UBA2: variants seen among roughly 807,000 people sequenced by gnomAD.
The protein encoded by UBA2 is ubiquitin like modifier activating enzyme 2, also known as SUMO-activating enzyme subunit 2.
Under a neutral mutation model 77.2 loss-of-function variants are expected in UBA2, and 11 were observed. The ratio of observed to expected loss-of-function variants is 0.14; its 90% confidence interval spans 0.09 to 0.24. The LOEUF is 0.24. Among genes scored for constraint, UBA2 ranks in the 10% least tolerant of loss-of-function variants. UBA2 has a pLI of 1.00. For synonymous variants in UBA2, 278 were observed against 276.7 expected (o/e 1.00, Z -0.05); for missense variants, 487 against 781.7 (o/e 0.62, Z 4.50).
chr19:34,466,757 A>G (rs2075692531), intron 15 of UBA2, 121 bp from the exon 16 acceptor site: 5 of 721,082 alleles, frequency 6.9e-6, no homozygotes, highest in Non-Finnish European at 1.0e-5. Context: ...AATTAAAAAA[A>G]AAATTAGAAT....
chr19:34,443,441 C>CT (rs35696396), intron 6 of UBA2, among the ~76,000 whole-genome samples: 8,912 of 132,166 alleles, frequency 0.067, 487 homozygotes, highest in Admixed American at 0.14. Flanking sequence ...CCGTTATTCA[C>CT]TTTTTTTTTT....
At chr19:34,438,877 A>AG in intron 6 of UBA2, 111 bp downstream of exon 6, 1 of 1,398,274 alleles carries the variant, frequency 7.2e-7, no homozygotes, top group Non-Finnish European at 9.8e-7. Context: ...AATATGGTGA[A>AG]GGGATGCTTT....
Position 34,428,582 on chromosome 19 carries a change from G to A in UBA2, c.138+12G>A, listed in dbSNP as rs775752073. 1 of 1,306,024 alleles carries A rather than the reference G, an allele frequency of 7.7e-7. No individual in the cohort carries two copies. The allele number at this position is 1,306,024 out of a possible 1,614,324, so 80.9% of individuals were successfully genotyped here. On this transcript the variant is annotated intron_variant, in intron 1 of 16. Transcript: ENST00000246548. ...CCCACATCGACCTGGTGAGGGCCGG[G>A]CGCGCGCGCGTGAATGGCGGGCTGT...
At chr19:34,434,788 G>A in intron 4 of UBA2, 80 bp from the exon 5 acceptor site, 1 of 1,070,296 alleles carries the variant, frequency 9.3e-7, no homozygotes, top group Non-Finnish European at 1.4e-6. Context: ...CAGTAAGATA[G>A]TTTTGAGTCT....
chr19:34,442,386 A>T (rs558850821), intron 6 of UBA2, among the ~76,000 whole-genome samples: 1 of 152,370 alleles, frequency 6.6e-6, no homozygotes, highest in East Asian at 1.9e-4. Flanking sequence ...TGCTTCTCAG[A>T]TACTTCCCGA....
intron 5 of UBA2, among the ~76,000 whole-genome samples, 197 bp from the exon 6 acceptor site, chr19:34,438,448 A>C (rs1041288304): frequency 2.0e-5 from 3 of 152,232 alleles, no homozygotes; most frequent in Non-Finnish European, 4.4e-5. Flanking sequence ...GCACAGCCTT[A>C]GCTATGACTG....
intron 16 of UBA2, among the ~76,000 whole-genome samples, chr19:34,467,988 G>T (rs752912878): frequency 2.6e-4 from 39 of 152,198 alleles, no homozygotes; most frequent in Non-Finnish European, 5.0e-4. Flanking sequence ...TGCTTGTTAA[G>T]TATGGAATTT....
intron 9 of UBA2, 90 bp from the exon 10 acceptor site, chr19:34,451,891 A>C (rs890783352): frequency 6.1e-6 from 4 of 657,822 alleles, no homozygotes; most frequent in Non-Finnish European, 6.9e-6. Context: ...TTGATTTCTT[A>C]ATGGTCGGGG....
chr19:34,441,367 A>G (rs1004982303), intron 6 of UBA2, among the ~76,000 whole-genome samples: 48 of 152,024 alleles, frequency 3.2e-4, no homozygotes, highest in Non-Finnish European at 5.6e-4. Context: ...AGGCAGGAGA[A>G]TGGCGTGAAC....
At chr19:34,442,071 C>T (rs2075376209) in intron 6 of UBA2, among the ~76,000 whole-genome samples, 1 of 151,866 alleles carries the variant, frequency 6.6e-6, no homozygotes, top group Non-Finnish European at 1.5e-5. Context: ...CCCATCACTA[C>T]AAAAAATTTA....
intron 13 of UBA2, 122 bp from the exon 14 acceptor site, chr19:34,460,348 G>A: frequency 1.5e-6 from 1 of 686,704 alleles, no homozygotes; most frequent in Non-Finnish European, 2.5e-6. Flanking sequence ...ATCTTGAAGA[G>A]TGACTTCGCC....
At chr19:34,444,044 GTTTTTTTTTT>G (rs35028159) in intron 7 of UBA2, 133 bp downstream of exon 7, 44 of 175,812 alleles carry the variant, frequency 2.5e-4, no homozygotes, top group African/African-American at 1.2e-3. Context: ...TTTTTTTTTT[GTTTTTTTTTT>G]TTTTTTTTTT....
At chr19:34,436,419 T>C (rs935562607) in intron 5 of UBA2, among the ~76,000 whole-genome samples, 12 of 152,026 alleles carry the variant, frequency 7.9e-5, no homozygotes, top group African/African-American at 2.7e-4. Context: ...CCTGCCTCAG[T>C]CTCCCGAGTA....
intron 14 of UBA2, among the ~76,000 whole-genome samples, chr19:34,463,037 C>T (rs1334760724): frequency 6.6e-6 from 1 of 151,112 alleles, no homozygotes; most frequent in East Asian, 1.9e-4. Context: ...GTGGAGGTTG[C>T]AGTGAGCCAA....
At chr19:34,460,391 C>T (rs1196796078) in intron 13 of UBA2, 79 bp from the exon 14 acceptor site, 1 of 931,636 alleles carries the variant, frequency 1.1e-6, no homozygotes, top group Non-Finnish European at 1.6e-6. Context: ...AAAGTAAGAG[C>T]CTTTATAGAA....
chr19:34,452,822 A>G (rs1306346154), intron 10 of UBA2, among the ~76,000 whole-genome samples: 1 of 152,216 alleles, frequency 6.6e-6, no homozygotes, highest in South Asian at 2.1e-4. Flanking sequence ...ATTTGTGTGT[A>G]CATATTTTGA....
intron 14 of UBA2, among the ~76,000 whole-genome samples, chr19:34,463,072 G>A (rs1275374975): frequency 6.6e-6 from 1 of 151,584 alleles, no homozygotes; most frequent in Non-Finnish European, 1.5e-5. Context: ...ACTCCAGCCT[G>A]GACAACAGAG....
intron 10 of UBA2, 71 bp from the exon 11 acceptor site, chr19:34,454,189 T>C: frequency 7.7e-7 from 1 of 1,301,246 alleles, no homozygotes; most frequent in Admixed American, 1.9e-5. Context: ...GTGAAAGTAT[T>C]GTTCTGAAAG....
intron 8 of UBA2, among the ~76,000 whole-genome samples, chr19:34,446,649 G>A (rs954763353): frequency 1.4e-4 from 21 of 147,310 alleles, no homozygotes; most frequent in Non-Finnish European, 2.4e-4. Flanking sequence ...CTGCTCTGTC[G>A]CCCAGGCTAG....
Sources: allele counts gnomAD v4.1 joint callset (sites outside exome capture counted in the v4.1 genomes callset), GRCh38; gene constraint gnomAD v4.1.1; transcripts MANE v1.5; gene names NCBI Gene and HGNC (gene_info 2026-07-23, HGNC 2026-07-21).